GRIA1: variants seen among roughly 807,000 people sequenced by gnomAD.
The protein encoded by GRIA1 is glutamate receptor 1.
A neutral mutation model predicts 99.2 loss-of-function variants in GRIA1; 31 were observed. The observed-to-expected ratio is 0.31, with a 90% CI of 0.23 to 0.42. GRIA1 has a LOEUF of 0.42. Ranked by LOEUF, GRIA1 falls within the 10% of genes least tolerant of loss-of-function variation. The pLI is 1.00. For synonymous variants in GRIA1, 438 were observed against 432.4 expected (o/e 1.01, Z -0.16); for missense variants, 782 against 1,157.5 (o/e 0.68, Z 4.71).
chr5:153,689,507 A>G (rs1187162511), intron 8 of GRIA1, among the ~76,000 whole-genome samples: 6 of 152,208 alleles, frequency 3.9e-5, no homozygotes, highest in African/African-American at 1.4e-4. Context: ...GGATTAGCTT[A>G]AAATATAGCC....
intron 2 of GRIA1, among the ~76,000 whole-genome samples, chr5:153,616,008 G>A (rs181735494): frequency 2.8e-4 from 43 of 152,158 alleles, no homozygotes; most frequent in African/African-American, 9.6e-4. Flanking sequence ...GATGGGAGTG[G>A]CTACAGAGGG....
intron 2 of GRIA1, among the ~76,000 whole-genome samples, chr5:153,554,223 G>A (rs1450353198): frequency 6.6e-6 from 1 of 152,118 alleles, no homozygotes; most frequent in African/African-American, 2.4e-5. Context: ...TCTCTCAATA[G>A]TTTAATTTGA....
intron 2 of GRIA1, among the ~76,000 whole-genome samples, chr5:153,556,762 C>A (rs1280201189): frequency 1.3e-5 from 2 of 152,178 alleles, no homozygotes; most frequent in Non-Finnish European, 1.5e-5. Context: ...CTCTCTGTAA[C>A]CCTACATGAA....
chr5:153,638,523 C>T (rs942134356), intron 2 of GRIA1, among the ~76,000 whole-genome samples: 1 of 152,224 alleles, frequency 6.6e-6, no homozygotes, highest in African/African-American at 2.4e-5. Flanking sequence ...TTCTGCTTCC[C>T]TTGACCCAGG....
intron 5 of GRIA1, among the ~76,000 whole-genome samples, chr5:153,659,233 T>C (rs1182861980): frequency 6.6e-6 from 1 of 152,264 alleles, no homozygotes; most frequent in Non-Finnish European, 1.5e-5. Flanking sequence ...TCCGCCCATC[T>C]GTACATATTC....
At chr5:153,723,004 G>C (rs771169513) in intron 11 of GRIA1, among the ~76,000 whole-genome samples, 3 of 152,182 alleles carry the variant, frequency 2.0e-5, no homozygotes, top group Non-Finnish European at 4.4e-5. Flanking sequence ...ACATCCTTTA[G>C]CATCCAAACT....
At chr5:153,687,504 T>C (rs572242151) in intron 8 of GRIA1, among the ~76,000 whole-genome samples, 13 of 152,320 alleles carry the variant, frequency 8.5e-5, no homozygotes, top group Non-Finnish European at 1.8e-4. Context: ...TCAGACTTAA[T>C]GCTCTCTATG....
intron 15 of GRIA1, among the ~76,000 whole-genome samples, chr5:153,807,758 G>T (rs1766537838): frequency 6.6e-6 from 1 of 152,174 alleles, no homozygotes; most frequent in African/African-American, 2.4e-5. Flanking sequence ...CAGGTCCCCT[G>T]CCCCTCCCCT....
intron 2 of GRIA1, among the ~76,000 whole-genome samples, chr5:153,527,853 T>C (rs372405166): frequency 1.1e-4 from 16 of 152,368 alleles, no homozygotes; most frequent in African/African-American, 3.8e-4. Context: ...CTGTGAGCAA[T>C]TGCAAGTGTG....
At chr5:153,580,201 A>G (rs1762927500) in intron 2 of GRIA1, among the ~76,000 whole-genome samples, 1 of 152,198 alleles carries the variant, frequency 6.6e-6, no homozygotes, top group African/African-American at 2.4e-5. Context: ...CCAGAGAGGG[A>G]ATCACAGTAG....
At chr5:153,745,182 C>G (rs1048212395) in intron 11 of GRIA1, among the ~76,000 whole-genome samples, 11 of 152,138 alleles carry the variant, frequency 7.2e-5, no homozygotes, top group African/African-American at 2.7e-4. Flanking sequence ...ACCTTCGGCT[C>G]TCCGCTTAAA....
At chr5:153,730,147 C>T (rs1014650279) in intron 11 of GRIA1, among the ~76,000 whole-genome samples, 1 of 152,056 alleles carries the variant, frequency 6.6e-6, no homozygotes, top group Non-Finnish European at 1.5e-5. Flanking sequence ...ACCTAGGGAT[C>T]TTGTTAAAAT....
chr5:153,657,941 C>T (rs76859227), intron 5 of GRIA1, among the ~76,000 whole-genome samples: 6,404 of 152,200 alleles, frequency 0.042, 152 homozygotes, highest in Middle Eastern at 0.085. Context: ...TTTTTGACTT[C>T]GGAGTGAGGA....
intron 10 of GRIA1, among the ~76,000 whole-genome samples, chr5:153,702,589 G>A (rs992790329): frequency 6.6e-5 from 10 of 152,294 alleles, no homozygotes; most frequent in African/African-American, 2.4e-4. Context: ...TTTGTTTTGG[G>A]ATCTGCTAGG....
chr5:153,643,033 A>T (rs1581389112), intron 2 of GRIA1, among the ~76,000 whole-genome samples: 2 of 152,288 alleles, frequency 1.3e-5, no homozygotes, highest in South Asian at 2.1e-4. Flanking sequence ...GCAAAGAGGT[A>T]AGAAAAGCAG....
Position 153,490,941 on chromosome 5 carries a change from G to A in GRIA1, c.53G>A (p.Gly18Asp), listed in dbSNP as rs776558930. 3.7e-6 allele frequency: 6 copies of A among 1,614,126 alleles called. No individual in the cohort carries two copies. Among genetic ancestry groups the A allele is most frequent in the South Asian group, 3.3e-5 (3 of 91,082 alleles). Residue 18 changes from glycine (G) to aspartate (D), a missense_variant, in exon 1 of 16, where the codon GGT becomes GAT. Around this residue, in one of 5 missense-constraint regions of GRIA1, gnomAD observed 461 missense variants for 521.7 expected, o/e 0.88. Coordinates refer to ENST00000285900, the MANE Select transcript of GRIA1 (RefSeq NM_000827.4). ...ACCGGTTTCCTAGGCGCGGTAGTAG[G>A]TGCCAATTTCCCCAACAATATCCAG... ...FCTGFLGAVV[G>D]ANFPNNIQIG...
At chr5:153,743,760 C>G (rs1249054067) in intron 11 of GRIA1, among the ~76,000 whole-genome samples, 1 of 152,170 alleles carries the variant, frequency 6.6e-6, no homozygotes, top group African/African-American at 2.4e-5. Context: ...ATTACATGGG[C>G]AAAAGCAAAA....
chr5:153,778,304 C>T (rs1246528978), intron 13 of GRIA1, among the ~76,000 whole-genome samples: 2 of 151,502 alleles, frequency 1.3e-5, no homozygotes, highest in Non-Finnish European at 2.9e-5. Flanking sequence ...CAGAGAGTAC[C>T]AAGAAAGCTT....
chr5:153,577,374 T>C (rs1762660558), intron 2 of GRIA1, among the ~76,000 whole-genome samples: 1 of 152,192 alleles, frequency 6.6e-6, no homozygotes, highest in Admixed American at 6.5e-5. Flanking sequence ...CAAATGGAGA[T>C]AGGGACCAAG....
Sources: allele counts gnomAD v4.1 joint callset (sites outside exome capture counted in the v4.1 genomes callset), GRCh38; gene constraint gnomAD v4.1.1; regional missense constraint gnomAD v4.1.1; transcripts MANE v1.5; gene names NCBI Gene and HGNC (gene_info 2026-07-23, HGNC 2026-07-21).